WDR49: variants seen among roughly 807,000 people sequenced by gnomAD.
The protein encoded by WDR49 is cilia- and flagella-associated protein 337.
Under a neutral mutation model 119.5 loss-of-function variants are expected in WDR49, and 107 were observed. The ratio of observed to expected loss-of-function variants is 0.90; its 90% confidence interval spans 0.77 to 1.05. The LOEUF (loss-of-function observed/expected upper bound fraction) is 1.05. WDR49 is among the 50% of genes least tolerant of loss of function. WDR49 has a pLI of 0.00. For synonymous variants in WDR49, 425 were observed against 418.8 expected, an observed-to-expected ratio of 1.01 and a Z score of -0.18; for missense variants, 1,240 against 1,220.5, an observed-to-expected ratio of 1.02 and a Z score of -0.24.
intron 18 of WDR49, 120 bp from the exon 19 acceptor site, chr3:167,479,116 A>G: frequency 1.3e-6 from 1 of 765,710 alleles, no homozygotes; most frequent in Non-Finnish European, 2.1e-6. Flanking sequence ...TTTCTAAAAC[A>G]CAGAGTGTAT....
At chr3:167,647,908 T>C (rs1718201957) in intron 2 of WDR49, among the ~76,000 whole-genome samples, 1 of 152,220 alleles carries the variant, frequency 6.6e-6, no homozygotes, top group African/African-American at 2.4e-5. Flanking sequence ...GTTGATTATT[T>C]GCTGATTATG....
chr3:167,647,741 T>C (rs1368511837), intron 2 of WDR49, among the ~76,000 whole-genome samples: 2 of 152,218 alleles, frequency 1.3e-5, no homozygotes, highest in Admixed American at 1.3e-4. Flanking sequence ...CACTTTTTAC[T>C]ATATACAGGT....
Position 167,602,255 on chromosome 3 carries a change from T to C in WDR49, c.1147A>G (p.Lys383Glu), listed in dbSNP as rs773702014. 1.4e-5 allele frequency: 23 copies of C among 1,587,900 alleles called. No individual in the cohort carries two copies. The East Asian group carries it at 2.0e-4, about 14-fold the overall frequency. ...NLIATAGINNKVCLWNPYVVS... is the reference protein window; with the variant it reads ...NLIATAGINNEVCLWNPYVVS... ...ACATAGGGATTCCAAAGGCAAACTT[T>C]ATTGTTAATGCCAGCAGTTGCTAAT... Residue 383 changes from lysine (K) to glutamate (E), a missense_variant, in exon 7 of 19, where the codon AAA becomes GAA. Physicochemically the swap from Lys to Glu is moderately conservative, Grantham distance 56 (BLOSUM62 1). Coordinates refer to ENST00000682715, the MANE Select transcript of WDR49 (RefSeq NM_001366157.1).
chr3:167,575,806 A>G, intron 8 of WDR49, 112 bp downstream of exon 8: 1 of 1,020,074 alleles, frequency 9.8e-7, no homozygotes, highest in Non-Finnish European at 1.4e-6. Context: ...ATTTCTTCCC[A>G]TATTTGCCTT....
rs575732149 is a variant in WDR49, at chr3:167,650,693, A to G, written c.165+2568T>C. ...CTTGAAGTTTAATTTCCTTTAAGAA[A>G]AGTATGAATTAGAATCAAGGCACTG... On this transcript the variant is annotated intron_variant, in intron 2 of 18. Coordinates refer to ENST00000682715, the MANE Select transcript of WDR49 (RefSeq NM_001366157.1). Among the ~76,000 whole-genome samples the G allele has an allele frequency of 1.8e-4, 28 of 152,328 alleles. No homozygotes were observed. In the East Asian group the frequency reaches 5.2e-3, roughly 28 times the overall value.
chr3:167,490,416 A>T (rs1436137165), intron 18 of WDR49, among the ~76,000 whole-genome samples: 1 of 152,050 alleles, frequency 6.6e-6, no homozygotes, highest in South Asian at 2.1e-4. Flanking sequence ...TTCATTCTGG[A>T]TGTTTAGTAT....
At chr3:167,501,131 T>C (rs891490205) in intron 17 of WDR49, among the ~76,000 whole-genome samples, 6 of 152,194 alleles carry the variant, frequency 3.9e-5, no homozygotes, top group African/African-American at 1.2e-4. Flanking sequence ...GATGAGGGTC[T>C]CATAATTTAC....
chr3:167,508,668 TC>T (rs1274777912), intron 16 of WDR49, among the ~76,000 whole-genome samples: 3 of 152,140 alleles, frequency 2.0e-5, no homozygotes, highest in Non-Finnish European at 4.4e-5. Flanking sequence ...GATGTGGCAC[TC>T]CCCCAAATAA....
intron 15 of WDR49, among the ~76,000 whole-genome samples, chr3:167,526,396 T>G (rs186609953): frequency 1.3e-5 from 2 of 152,154 alleles, no homozygotes; most frequent in East Asian, 3.9e-4. Context: ...ACCCACTTGA[T>G]GACGTTTCGT....
At chr3:167,569,412 C>G (rs568108989) in intron 8 of WDR49, among the ~76,000 whole-genome samples, 1 of 151,980 alleles carries the variant, frequency 6.6e-6, no homozygotes, top group East Asian at 1.9e-4. Flanking sequence ...CTAGTACATA[C>G]GTATCTTTTA....
At chr3:167,590,700 T>G (rs1385225578) in intron 7 of WDR49, among the ~76,000 whole-genome samples, 1 of 152,136 alleles carries the variant, frequency 6.6e-6, no homozygotes, top group Non-Finnish European at 1.5e-5. Flanking sequence ...TAGTGGCTCA[T>G]AGTAGCCATT....
At chr3:167,564,663 A>G (rs1251485913) in intron 8 of WDR49, among the ~76,000 whole-genome samples, 1 of 152,238 alleles carries the variant, frequency 6.6e-6, no homozygotes, top group Non-Finnish European at 1.5e-5. Context: ...ACTCCAGGAC[A>G]CATGGGCCTC....
At chr3:167,528,137 G>T in intron 14 of WDR49, 120 bp from the exon 15 acceptor site, 1 of 750,108 alleles carries the variant, frequency 1.3e-6, no homozygotes, top group African/African-American at 1.8e-5. Context: ...TGATCCAAAT[G>T]CAAAAGAAAA....
At chr3:167,595,429 G>T (rs1373791501) in intron 7 of WDR49, among the ~76,000 whole-genome samples, 1 of 152,148 alleles carries the variant, frequency 6.6e-6, no homozygotes, top group Non-Finnish European at 1.5e-5. Flanking sequence ...TAAGCCAAAA[G>T]AACAAATCTG....
At chr3:167,496,475 T>A (rs1751358042) in intron 18 of WDR49, among the ~76,000 whole-genome samples, 1 of 152,050 alleles carries the variant, frequency 6.6e-6, no homozygotes, top group African/African-American at 2.4e-5. Flanking sequence ...TTTTTTTTTT[T>A]AACCTGGCTC....
At chr3:167,550,238 T>C (rs969218320) in intron 10 of WDR49, among the ~76,000 whole-genome samples, 1 of 152,156 alleles carries the variant, frequency 6.6e-6, no homozygotes, top group African/African-American at 2.4e-5. Context: ...AAGAAAGTCA[T>C]TGGTAGCTTG....
chr3:167,505,339 G>T lies in WDR49; in HGVS notation c.2852C>A (p.Pro951His), dbSNP rs759655775. The change falls in exon 17 of 19, where the codon CCT becomes CAT. Residue 951 changes from proline to histidine, a missense_variant. Pro to His is a moderately conservative substitution (Grantham distance 77). Transcript: ENST00000682715. The part of the protein sequence containing the change: ...RSTCMKETQK[P>H]YYGEVIKKSF... ...TTTTTTTATAACTTCACCATAATAAGGTTTTTGTGTTTCTTTCATGCAGGT... is the reference window on the plus strand; with the variant it reads ...TTTTTTTATAACTTCACCATAATAATGTTTTTGTGTTTCTTTCATGCAGGT... 1.2e-5 allele frequency: 19 copies of T among 1,523,586 alleles called. No individual in the cohort carries two copies. Among genetic ancestry groups the T allele is most frequent in the Non-Finnish European group, 1.5e-5 (17 of 1,143,618 alleles). The allele number at this position is 1,523,586 out of a possible 1,614,324, so 94.4% of individuals were successfully genotyped here. A position where few individuals can be genotyped will look rare whatever the true frequency, so the allele number is the denominator to read the frequency against.
intron 18 of WDR49, among the ~76,000 whole-genome samples, chr3:167,493,360 T>C (rs577968117): frequency 6.6e-6 from 1 of 152,324 alleles, no homozygotes; most frequent in African/African-American, 2.4e-5. Context: ...AGAGGCCAAC[T>C]GTGTGACTCT....
intron 11 of WDR49, among the ~76,000 whole-genome samples, chr3:167,533,874 T>G (rs1752930546): frequency 6.6e-6 from 1 of 152,042 alleles, no homozygotes; most frequent in African/African-American, 2.4e-5. Flanking sequence ...AAATGGTGAC[T>G]TTTTTGGGAT....
Sources: allele counts gnomAD v4.1 joint callset (sites outside exome capture counted in the v4.1 genomes callset), GRCh38; gene constraint gnomAD v4.1.1; transcripts MANE v1.5; gene names NCBI Gene and HGNC (gene_info 2026-07-23, HGNC 2026-07-21).